Variants in GRAMD1A observed in about 807,000 individuals in gnomAD.
GRAMD1A encodes protein Aster-A.
A neutral mutation model predicts 92.0 loss-of-function variants in GRAMD1A; 50 were observed. The ratio of observed to expected loss-of-function variants is 0.54; its 90% CI spans 0.43 to 0.69. The LOEUF (loss-of-function observed/expected upper bound fraction) is 0.69. Ranked by LOEUF, GRAMD1A falls within the 30% of genes least tolerant of loss-of-function variation. The probability of loss-of-function intolerance (pLI) is 0.00; values close to 1 mark genes in which losing one functional copy is unlikely to be tolerated. For synonymous variants in GRAMD1A, 405 were observed against 403.6 expected (o/e 1.00, Z -0.04); for missense variants, 819 against 978.9 (o/e 0.84, Z 2.18).
intron 1 of GRAMD1A, among the ~76,000 whole-genome samples, chr19:35,007,432 C>T (rs1283610446): frequency 6.6e-6 from 1 of 152,162 alleles, no homozygotes; most frequent in African/African-American, 2.4e-5. Flanking sequence ...ATGGCGGGTG[C>T]CTATGATCCC....
chr19:35,004,829 C>T (rs2014681681), intron 1 of GRAMD1A, among the ~76,000 whole-genome samples: 2 of 152,138 alleles, frequency 1.3e-5, no homozygotes, highest in Admixed American at 1.3e-4. Context: ...ACCAGGTGCC[C>T]TCCAGGTACT....
Position 35,023,773 on chromosome 19 carries a change from C to T in GRAMD1A, c.2082+226C>T, listed in dbSNP as rs2016254517. ...CACGTCCTGGAGAAAAGTCCAGAGGCGTCTCACATTAGGCACGGCCGGGTT... is the reference window on the plus strand; with the variant it reads ...CACGTCCTGGAGAAAAGTCCAGAGGTGTCTCACATTAGGCACGGCCGGGTT... On this transcript the variant is annotated intron_variant, in intron 19 of 19. Coordinates refer to ENST00000317991, the MANE Select transcript of GRAMD1A (RefSeq NM_020895.5). 6.4e-6 allele frequency: 3 copies of T among 471,560 alleles called. No individual in the cohort carries two copies. In the East Asian group the frequency reaches 1.0e-4, roughly 16 times the overall value. The allele number at this position is 471,560 out of a possible 1,614,324, so 29.2% of individuals were successfully genotyped here.
upstream of GRAMD1A, chr19:34,996,057 C>A (rs1397390754): frequency 6.5e-7 from 1 of 1,535,714 alleles, no homozygotes. Context: ...CCTTGGGAGA[C>A]CCTGTTGGCA....
intron 13 of GRAMD1A, among the ~76,000 whole-genome samples, chr19:35,020,605 G>A (rs1308977804): frequency 1.4e-5 from 2 of 147,516 alleles, no homozygotes; most frequent in Non-Finnish European, 3.0e-5. Context: ...ATTTCAGTGA[G>A]CCATGATCAC....
At chr19:34,998,806 TA>T (rs199580099), upstream of GRAMD1A, among the ~76,000 whole-genome samples, 2,962 of 122,892 alleles carry the variant, frequency 0.024, 71 homozygotes, top group Admixed American at 0.073. Flanking sequence ...GGCACGGCGA[TA>T]GGGGGGGTGC....
chr19:35,019,618 G>T, intron 13 of GRAMD1A, 85 bp downstream of exon 13: 1 of 1,329,100 alleles, frequency 7.5e-7, no homozygotes, highest in South Asian at 1.2e-5. Context: ...GCAGAGCCTT[G>T]GTTCCCACCC....
upstream of GRAMD1A, among the ~76,000 whole-genome samples, chr19:34,997,776 G>T (rs114564276): frequency 9.1e-3 from 1,385 of 152,150 alleles, 26 homozygotes; most frequent in African/African-American, 0.031. Flanking sequence ...GGACAGAAAA[G>T]TACACAGGGT....
chr19:35,021,418 G>A lies in GRAMD1A; in HGVS notation c.1476-84G>A. On this transcript the variant is annotated intron_variant, in intron 13 of 19. Transcript: ENST00000317991. This position sits in a 1 kb window ranked among gnomAD's most constrained non-coding sequence, Gnocchi z 5.3. ...ACAAGGGGCCCTCTCTGAATTAGGG[G>A]AAGGAAAAAACTCAGCTTGTGGGAC... 1 of 996,456 alleles carries A rather than the reference G, an allele frequency of 1.0e-6. No individual in the cohort carries two copies. Among genetic ancestry groups the A allele is most frequent in the South Asian group, 1.3e-5 (1 of 77,190 alleles). 61.7% of individuals were successfully genotyped at this position (996,456 alleles called of 1,614,324 possible).
chr19:34,999,800 T>C (rs932817468), upstream of GRAMD1A, among the ~76,000 whole-genome samples: 2 of 152,044 alleles, frequency 1.3e-5, no homozygotes, highest in Non-Finnish European at 2.9e-5. Flanking sequence ...AACTGGGAAG[T>C]CCCTAGAAAC....
At chr19:35,017,054 AAT>A (rs1456120178) in intron 11 of GRAMD1A, among the ~76,000 whole-genome samples, 1 of 151,846 alleles carries the variant, frequency 6.6e-6, no homozygotes, top group African/African-American at 2.4e-5. Context: ...GCCCACCCGT[AAT>A]CCCAGCTACT....
At position 35,026,110 on chromosome 19, in the gene GRAMD1A, C is replaced by T; in HGVS notation, c.2144C>T (p.Thr715Ile). 5.6e-6 allele frequency: 9 copies of T among 1,598,394 alleles called. No homozygotes were observed. Among genetic ancestry groups the T allele is most frequent in the Non-Finnish European group, 7.7e-6 (9 of 1,165,710 alleles). The change falls in exon 20 of 20, where the codon ACC (threonine) becomes ATC (isoleucine). Residue 715 changes from threonine (T) to isoleucine (I), a missense_variant. Around this residue, in one of 3 missense-constraint regions of GRAMD1A, gnomAD observed 577 missense variants for 674.6 expected, o/e 0.86. Coordinates refer to ENST00000317991, the MANE Select transcript of GRAMD1A (RefSeq NM_020895.5). ...GITVSDPPFD[T>I]QPRPDDSFS The stretch of plus-strand genomic sequence containing the variant: ...ACAGTCTCAGACCCTCCCTTTGACA[C>T]CCAGCCCCGGCCCGATGACAGCTTT...
upstream of GRAMD1A, among the ~76,000 whole-genome samples, chr19:34,995,659 G>A (rs2014008131): frequency 7.1e-6 from 1 of 141,676 alleles, no homozygotes; most frequent in Non-Finnish European, 1.5e-5. Context: ...ATAGCTCACT[G>A]CAGCCTCAAA....
intron 11 of GRAMD1A, among the ~76,000 whole-genome samples, chr19:35,016,596 A>T (rs2015647050): frequency 1.1e-5 from 1 of 95,034 alleles, no homozygotes; most frequent in Non-Finnish European, 2.0e-5. Context: ...TCTGTCTCAA[A>T]AAAACAGGGG....
At chr19:35,009,354 G>C in intron 2 of GRAMD1A, 25 bp downstream of exon 2, 2 of 1,613,710 alleles carry the variant, frequency 1.2e-6, no homozygotes, top group Non-Finnish European at 1.7e-6. Flanking sequence ...AGGTGGGGTG[G>C]GGAGAGGGCT....
chr19:35,004,972 G>A (rs1001447670), intron 1 of GRAMD1A, among the ~76,000 whole-genome samples: 4 of 152,112 alleles, frequency 2.6e-5, no homozygotes, highest in African/African-American at 7.2e-5. Context: ...CAGAAAGGAC[G>A]CGGTGGCACT....
In GRAMD1A at chr19:35,003,061, G is replaced by GGTGTGTGTGTGTGT. The variant is rs58809497; in HGVS notation, c.8+2594_8+2607dup. Among the ~76,000 whole-genome samples the GGTGTGTGTGTGTGT allele has an allele frequency of 9.8e-3, 1,397 of 142,318 alleles. 27 individuals carry two copies. The highest frequency in any genetic ancestry group is 0.035 in the African/African-American group (1,303 of 37,238). 93.4% of individuals were successfully genotyped at this position (142,318 alleles called of 152,430 possible). On this transcript the variant is annotated intron_variant, in intron 1 of 19. Transcript: ENST00000317991. ...ACTGTAGCAGACTAGCAATGCTGCA[G>GGTGTGTGTGTGTGT]GTGTGTGTGTGTGTGTGTGTGTGTG...
At chr19:35,024,081 C>T (rs1426797112) in intron 19 of GRAMD1A, among the ~76,000 whole-genome samples, 1 of 152,220 alleles carries the variant, frequency 6.6e-6, no homozygotes, top group African/African-American at 2.4e-5. Flanking sequence ...ATCTCCAAAA[C>T]GGAGTGGACC....
At chr19:34,995,596 T>TTTCTGAGACAGGGTC (rs1281397886), upstream of GRAMD1A, among the ~76,000 whole-genome samples, 1 of 148,902 alleles carries the variant, frequency 6.7e-6, no homozygotes, top group African/African-American at 2.5e-5. Context: ...TTTTTTTTTT[T>TTTCTGAGACAGGGTC]TCTGAGACAG....
chr19:35,003,506 G>A (rs1251767382), intron 1 of GRAMD1A, among the ~76,000 whole-genome samples: 2 of 152,128 alleles, frequency 1.3e-5, no homozygotes, highest in Non-Finnish European at 2.9e-5. Context: ...GCCCAGCCCT[G>A]GAGCAAAAAC....
Sources: allele counts gnomAD v4.1 joint callset (sites outside exome capture counted in the v4.1 genomes callset), GRCh38; gene constraint gnomAD v4.1.1; regional missense constraint gnomAD v4.1.1; non-coding constraint Gnocchi (gnomAD v3.1); transcripts MANE v1.5; gene names NCBI Gene and HGNC (gene_info 2026-07-23, HGNC 2026-07-21).